The following GATA4 variants were observed in gnomAD, a reference collection of about 807,000 sequenced individuals.
GATA4 encodes the protein GATA binding protein 4, also known as transcription factor GATA-4.
GATA4 carries 7 observed loss-of-function variants against 37.9 expected under a neutral mutation model. The observed-to-expected ratio is 0.18, with a 90% CI of 0.11 to 0.35. The LOEUF is 0.35. Ranked by LOEUF, GATA4 falls within the 10% of genes least tolerant of loss-of-function variation. GATA4 has a pLI of 1.00. For missense variants in GATA4, 647 were observed against 653.0 expected (o/e 0.99, Z 0.10); for synonymous variants, 372 against 292.6 (o/e 1.27, Z -2.77).
intron 6 of GATA4, among the ~76,000 whole-genome samples, chr8:11,757,363 C>T (rs773927151): frequency 6.6e-6 from 1 of 152,232 alleles, no homozygotes; most frequent in Admixed American, 6.5e-5. Context: ...TCCTCTATGC[C>T]ATCATCTTTG....
intron 2 of GATA4, among the ~76,000 whole-genome samples, chr8:11,740,570 A>G (rs748292277): frequency 3.3e-5 from 5 of 152,216 alleles, no homozygotes; most frequent in Non-Finnish European, 7.3e-5. Flanking sequence ...GGAGGCCCCC[A>G]TGAAAACTCC....
At chr8:11,754,135 G>A (rs1382819107) in intron 4 of GATA4, among the ~76,000 whole-genome samples, 1 of 152,248 alleles carries the variant, frequency 6.6e-6, no homozygotes, top group Non-Finnish European at 1.5e-5. Context: ...GCTGCAATAA[G>A]TAGAGTGATG....
At chr8:11,748,879 C>T (rs1331351794) in intron 2 of GATA4, 37 bp from the exon 3 acceptor site, 1 of 1,606,248 alleles carries the variant, frequency 6.2e-7, no homozygotes, top group Non-Finnish European at 8.5e-7. Context: ...AAGAATTAAT[C>T]CTCTGTGTCT....
At chr8:11,725,686 T>A (rs933304715) in intron 2 of GATA4, among the ~76,000 whole-genome samples, 4 of 152,350 alleles carry the variant, frequency 2.6e-5, no homozygotes, top group Admixed American at 2.6e-4. Flanking sequence ...TGCCTGCCTG[T>A]CGTGGCAGGG....
chr8:11,712,472 C>T (rs1357292225), intron 2 of GATA4, among the ~76,000 whole-genome samples: 2 of 151,942 alleles, frequency 1.3e-5, no homozygotes, highest in Admixed American at 6.6e-5. Context: ...TTCATTTGGT[C>T]TTGAAGGGTG....
intron 2 of GATA4, among the ~76,000 whole-genome samples, chr8:11,734,611 T>C (rs1801367180): frequency 6.6e-6 from 1 of 152,176 alleles, no homozygotes; most frequent in Non-Finnish European, 1.5e-5. Flanking sequence ...CTCAGCCTCC[T>C]GAGTTGCTGG....
At chr8:11,692,860 A>T (rs1799365371) in intron 1 of GATA4, 27 of 980,254 alleles carry the variant, frequency 2.8e-5, no homozygotes, top group Non-Finnish European at 3.0e-5. Context: ...GCTGACCCCG[A>T]GCGCCGCCGA....
intron 2 of GATA4, among the ~76,000 whole-genome samples, chr8:11,743,681 G>T (rs972313585): frequency 2.6e-5 from 4 of 152,248 alleles, no homozygotes; most frequent in African/African-American, 9.6e-5. Flanking sequence ...GATGGATGGA[G>T]CAGGTCAGAG....
intron 1 of GATA4, among the ~76,000 whole-genome samples, chr8:11,698,826 G>C (rs1399247013): frequency 6.6e-6 from 1 of 152,154 alleles, no homozygotes; most frequent in Non-Finnish European, 1.5e-5. Context: ...CTTAGGAGCA[G>C]CCTAGATTTG....
intron 1 of GATA4, among the ~76,000 whole-genome samples, chr8:11,683,817 C>G (rs1799055149): frequency 6.6e-6 from 1 of 152,216 alleles, no homozygotes; most frequent in Admixed American, 6.5e-5. Context: ...AATCCCTCCC[C>G]ACAATGCCTG....
At chr8:11,731,674 T>C (rs180761661) in intron 2 of GATA4, among the ~76,000 whole-genome samples, 6 of 152,338 alleles carry the variant, frequency 3.9e-5, no homozygotes, top group Admixed American at 3.3e-4. Context: ...TTCACAACAG[T>C]GTGAACACAT....
intron 1 of GATA4, among the ~76,000 whole-genome samples, chr8:11,693,320 C>T (rs1799385764): frequency 1.3e-5 from 2 of 152,092 alleles, no homozygotes; most frequent in Admixed American, 1.3e-4. Context: ...TAAAATTAGC[C>T]AGGCGTCGTG....
intron 2 of GATA4, among the ~76,000 whole-genome samples, chr8:11,729,778 AT>A (rs1259487293): frequency 6.6e-6 from 1 of 152,224 alleles, no homozygotes. Flanking sequence ...CTGGAAATGC[AT>A]CTGACCCATG....
rs1802603995 is a variant in GATA4, at chr8:11,756,959, C to T, written c.1025C>T (p.Pro342Leu). 1.2e-6 allele frequency: 2 copies of T among 1,614,260 alleles called. No homozygotes were observed. Among genetic ancestry groups the T allele is most frequent in the African/African-American group, 1.3e-5 (1 of 75,082 alleles). Residue 342 changes from proline (P) to leucine (L), a missense_variant, in exon 6 of 7, where the codon CCT becomes CTT. Physicochemically the swap from Pro to Leu is moderately conservative, Grantham distance 98. This residue lies in a region of GATA4 where 184 missense variants were observed against 157.1 expected (regional missense o/e 1.17). Transcript: ENST00000532059. ...PAAPSGSESL[P>L]PASGASSNSS... ...GCTCCTTCAGGCAGTGAGAGCCTTCCTCCCGCCAGCGGTGCTTCCAGCAAC... is the reference window on the plus strand; with the variant it reads ...GCTCCTTCAGGCAGTGAGAGCCTTCTTCCCGCCAGCGGTGCTTCCAGCAAC...
intron 2 of GATA4, among the ~76,000 whole-genome samples, chr8:11,725,249 C>G (rs1320414936): frequency 1.3e-5 from 2 of 152,232 alleles, no homozygotes; most frequent in Non-Finnish European, 2.9e-5. Flanking sequence ...GGACTTAGAT[C>G]CATGTTTTCC....
At chr8:11,751,109 A>G (rs982815264) in intron 4 of GATA4, among the ~76,000 whole-genome samples, 4 of 152,216 alleles carry the variant, frequency 2.6e-5, no homozygotes, top group African/African-American at 9.7e-5. Context: ...AGTTAGATAT[A>G]TTTGATTTTG....
upstream of GATA4, among the ~76,000 whole-genome samples, chr8:11,690,054 C>T (rs1799260552): frequency 6.6e-6 from 1 of 152,244 alleles, no homozygotes; most frequent in African/African-American, 2.4e-5. Context: ...CTTGAAGTCC[C>T]TTGCAATACC....
chr8:11,686,983 G>A (rs1311386928), intron 1 of GATA4, among the ~76,000 whole-genome samples: 1 of 150,542 alleles, frequency 6.6e-6, no homozygotes, highest in Non-Finnish European at 1.5e-5. Flanking sequence ...GGGTGACAGA[G>A]TGAGAATCCG....
intron 2 of GATA4, among the ~76,000 whole-genome samples, chr8:11,715,423 C>T (rs186578667): frequency 4.6e-5 from 7 of 152,266 alleles, no homozygotes; most frequent in African/African-American, 9.6e-5. Flanking sequence ...ATTTAACATA[C>T]AGGGAAGTTA....
Sources: gnomAD v4.1 joint callset for allele counts (sites outside exome capture counted in the v4.1 genomes callset) on GRCh38, gnomAD v4.1.1 for gene constraint, gnomAD v4.1.1 regional missense constraint, MANE v1.5 for transcripts, NCBI Gene and HGNC (gene_info 2026-07-23, HGNC 2026-07-21) for gene names.